The following GPR27 variants were observed in gnomAD, a reference collection of about 807,000 sequenced individuals.
The protein encoded by GPR27 is probable G protein-coupled receptor 27.
In GPR27, 3 loss-of-function variants were observed where a neutral mutation model predicts 2.4. That is an observed-to-expected ratio of 1.23 (90% CI 0.56 to 3.18). The LOEUF is 3.18. GPR27 is among the 30% of genes most tolerant of loss of function. GPR27 has a pLI of 0.03. For synonymous variants in GPR27, 367 were observed against 296.4 expected (o/e 1.24, Z -2.45); for missense variants, 526 against 566.1 (o/e 0.93, Z 0.72).
chr3:71,755,236 G>T lies in GPR27; in HGVS notation c.*59G>T, dbSNP rs543723129. 26 of 1,334,718 alleles carry T rather than the reference G, an allele frequency of 1.9e-5. No individual in the cohort carries two copies. The highest frequency in any genetic ancestry group is 5.0e-5 in the East Asian group (2 of 39,960). The allele number at this position is 1,334,718 out of a possible 1,614,324, so 82.7% of individuals were successfully genotyped here. ...CTTTCCCTTTGGCTCGGACGGTGAC[G>T]TTGTATCTTTTCCTTCTGGCCCCTG... On this transcript the variant is annotated 3_prime_UTR_variant, in exon 1 of 1. Coordinates refer to ENST00000304411, the MANE Select transcript of GPR27 (RefSeq NM_018971.3).
chr3:71,754,203 GC>G lies in GPR27; in HGVS notation c.158del (p.Pro53ArgfsTer268). ...CGTGCGGGAGCGCAGCCTGCACCGC[GC>G]CCCGTACTACCTGCTGCTCGACCTG... Reference protein sequence around the residue: ...LIVRERSLHRAPYYLLLDLCL... With the variant: ...LIVRERSLHRXPYYLLLDLCL... On this transcript the variant is annotated frameshift_variant, in exon 1 of 1. Coordinates refer to ENST00000304411, the MANE Select transcript of GPR27 (RefSeq NM_018971.3). LOFTEE classifies it low-confidence loss of function (END_TRUNC). The surrounding 1 kb of genome is among the most constrained non-coding windows in gnomAD (Gnocchi z 5.8). 1 of 1,410,300 alleles carries G rather than the reference GC, an allele frequency of 7.1e-7. No homozygotes were observed. The highest frequency in any genetic ancestry group is 9.4e-7 in the Non-Finnish European group (1 of 1,066,774). The allele number at this position is 1,410,300 out of a possible 1,614,324, so 87.4% of individuals were successfully genotyped here.
chr3:71,753,920 G>C lies in GPR27; in HGVS notation c.-130G>C. 1.0e-6 allele frequency: 1 copy of C among 989,338 alleles called. No homozygotes were observed. Among genetic ancestry groups the C allele is most frequent in the South Asian group, 4.6e-5 (1 of 21,904 alleles). The allele number at this position is 989,338 out of a possible 1,614,324, so 61.3% of individuals were successfully genotyped here. A position where few individuals can be genotyped will look rare whatever the true frequency, so the allele number is the denominator to read the frequency against. ...AGCCCAGGAGGGGCCGGCCGGGAGC[G>C]GGCTGAGCCCCGCAGGACGGGGAGC... On this transcript the variant is annotated 5_prime_UTR_variant, in exon 1 of 1. Coordinates refer to ENST00000304411, the MANE Select transcript of GPR27 (RefSeq NM_018971.3).
chr3:71,755,458 C>T lies in GPR27; in HGVS notation c.*281C>T, dbSNP rs934735031. The T allele has an allele frequency of 3.7e-5, 15 of 408,940 alleles. No individual in the cohort carries two copies. In the South Asian group the frequency reaches 9.2e-4, roughly 25 times the overall value. 25.3% of individuals were successfully genotyped at this position (408,940 alleles called of 1,614,324 possible). ...TGTAGCGGTACTGACGTCTTTTATT[C>T]CATGTGTGGTTCCTTTTTTTCTTTT... On this transcript the variant is annotated 3_prime_UTR_variant, in exon 1 of 1. Transcript: ENST00000304411.
Position 71,754,187 on chromosome 3 carries a change from G to A in GPR27, c.138G>A (p.Glu46=), listed in dbSNP as rs2108174271. ...TGTTCGCGCTGCTGATCGTGCGGGA[G>A]CGCAGCCTGCACCGCGCCCCGTACT... ...NVLFALLIVR[E]RSLHRAPYYL... is the part of the protein sequence containing the mutation. The change falls in exon 1 of 1, where the codon GAG becomes GAA. Residue 46 remains glutamate, a synonymous_variant. Coordinates refer to ENST00000304411, the MANE Select transcript of GPR27 (RefSeq NM_018971.3). The surrounding 1 kb of genome is among the most constrained non-coding windows in gnomAD (Gnocchi z 5.8). 3 of 1,435,552 alleles carry A rather than the reference G, an allele frequency of 2.1e-6. No homozygotes were observed. The highest frequency in any genetic ancestry group is 2.8e-6 in the Non-Finnish European group (3 of 1,082,066). The allele number at this position is 1,435,552 out of a possible 1,614,324, so 88.9% of individuals were successfully genotyped here.
In GPR27 at chr3:71,755,313, A is replaced by G. The variant is rs2049991825; in HGVS notation, c.*136A>G. On this transcript the variant is annotated 3_prime_UTR_variant, in exon 1 of 1. Transcript: ENST00000304411. ...TGACTCGAAGTGGACAGACACTTGG[A>G]TTGTACTGACTCCTTTGGGGGTGGG... The G allele has an allele frequency of 6.7e-6, 5 of 750,060 alleles. No individual in the cohort carries two copies. Among genetic ancestry groups the G allele is most frequent in the Non-Finnish European group, 1.1e-5 (5 of 470,344 alleles). The allele number at this position is 750,060 out of a possible 1,614,324, so 46.5% of individuals were successfully genotyped here.
Position 71,756,215 on chromosome 3 carries a change from A to G in GPR27, c.*1038A>G, listed in dbSNP as rs917901413. 6.6e-6 allele frequency: 1 copy of G among 152,206 alleles called. No homozygotes were observed. Among genetic ancestry groups the G allele is most frequent in the Non-Finnish European group, 1.5e-5 (1 of 68,032 alleles). The allele number at this position is 152,206 out of a possible 1,614,324, so 9.4% of individuals were successfully genotyped here. A position where few individuals can be genotyped will look rare whatever the true frequency, so the allele number is the denominator to read the frequency against. On this transcript the variant is annotated 3_prime_UTR_variant, in exon 1 of 1. Coordinates refer to ENST00000304411, the MANE Select transcript of GPR27 (RefSeq NM_018971.3). The stretch of plus-strand genomic sequence containing the variant: ...TGGTATAAATGAATGGAATATAATG[A>G]TATCCTCCTTCTAGGAAACAAAGCA...
chr3:71,755,341 G>A lies in GPR27; in HGVS notation c.*164G>A. The A allele has an allele frequency of 1.6e-6, 1 of 644,346 alleles. No individual in the cohort carries two copies. Among genetic ancestry groups the A allele is most frequent in the Non-Finnish European group, 2.6e-6 (1 of 378,508 alleles). 39.9% of individuals were successfully genotyped at this position (644,346 alleles called of 1,614,324 possible). A position where few individuals can be genotyped will look rare whatever the true frequency, so the allele number is the denominator to read the frequency against. ...GTACTGACTCCTTTGGGGGTGGGGT[G>A]GGTGAGGAGTAGGATGCTCAGCCCA... On this transcript the variant is annotated 3_prime_UTR_variant, in exon 1 of 1. Transcript: ENST00000304411.
Position 71,754,596 on chromosome 3 carries a change from G to A in GPR27, c.547G>A (p.Ala183Thr). The A allele has an allele frequency of 7.0e-7, 1 of 1,428,564 alleles. No individual in the cohort carries two copies. Among genetic ancestry groups the A allele is most frequent in the Non-Finnish European group, 9.2e-7 (1 of 1,091,396 alleles). 88.5% of individuals were successfully genotyped at this position (1,428,564 alleles called of 1,614,324 possible). The change falls in exon 1 of 1, where the codon GCG becomes ACG. Residue 183 changes from alanine to threonine, a missense_variant. Around this residue, in one of 3 missense-constraint regions of GPR27, gnomAD observed 312 missense variants for 318.4 expected, o/e 0.98. Coordinates refer to ENST00000304411, the MANE Select transcript of GPR27 (RefSeq NM_018971.3). This position sits in a 1 kb window ranked among gnomAD's most constrained non-coding sequence, Gnocchi z 5.8. ...GCAGCGGCCCGACGGCGCCCCCGGCGCGCTGGGCTTCCTGCTGCTGCTGGC... is the reference window on the plus strand; with the variant it reads ...GCAGCGGCCCGACGGCGCCCCCGGCACGCTGGGCTTCCTGCTGCTGCTGGC... ...LEQRPDGAPG[A>T]LGFLLLLAVV...
At position 71,753,878 on chromosome 3, in the gene GPR27, A is replaced by T. The variant is rs919606167; in HGVS notation, c.-172A>T. Reference sequence around the variant, plus strand: ...CCATTCCTGAGATGGCGGCGGCGGCACAGCGGCGGCTCGGGGAGCCCAGGA... The same window carrying T: ...CCATTCCTGAGATGGCGGCGGCGGCTCAGCGGCGGCTCGGGGAGCCCAGGA... On this transcript the variant is annotated 5_prime_UTR_variant, in exon 1 of 1. Coordinates refer to ENST00000304411, the MANE Select transcript of GPR27 (RefSeq NM_018971.3). 9.2e-4 allele frequency among the ~76,000 whole-genome samples: 134 copies of T among 145,564 alleles called. No homozygotes were observed. The highest frequency in any genetic ancestry group is 3.2e-3 in the African/African-American group (131 of 40,572).
Position 71,754,572 on chromosome 3 carries a change from C to G in GPR27, c.523C>G (p.Gln175Glu), listed in dbSNP as rs912881981. The stretch of plus-strand genomic sequence containing the variant: ...CGAGGACGCGCCGTGCGCCCTGGAG[C>G]AGCGGCCCGACGGCGCCCCCGGCGC... Reference protein sequence around the residue: ...DDEDAPCALEQRPDGAPGALG... With the variant: ...DDEDAPCALEERPDGAPGALG... Residue 175 changes from glutamine to glutamate, a missense_variant, in exon 1 of 1, where the codon CAG (glutamine) becomes GAG (glutamate). Transcript: ENST00000304411. The surrounding 1 kb of genome is among the most constrained non-coding windows in gnomAD (Gnocchi z 5.8). 1 of 1,399,598 alleles carries G rather than the reference C, an allele frequency of 7.1e-7. No homozygotes were observed. Among genetic ancestry groups the G allele is most frequent in the African/African-American group, 1.5e-5 (1 of 66,280 alleles). 86.7% of individuals were successfully genotyped at this position (1,399,598 alleles called of 1,614,324 possible).
chr3:71,754,715 C>T lies in GPR27; in HGVS notation c.666C>T (p.Ala222=). 1 of 1,480,556 alleles carries T rather than the reference C, an allele frequency of 6.8e-7. No homozygotes were observed. The highest frequency in any genetic ancestry group is 8.9e-7 in the Non-Finnish European group (1 of 1,119,718). The allele number at this position is 1,480,556 out of a possible 1,614,324, so 91.7% of individuals were successfully genotyped here. A position where few individuals can be genotyped will look rare whatever the true frequency, so the allele number is the denominator to read the frequency against. The change falls in exon 1 of 1, where the codon GCC becomes GCT. Residue 222 remains alanine, a synonymous_variant. Coordinates refer to ENST00000304411, the MANE Select transcript of GPR27 (RefSeq NM_018971.3). The surrounding 1 kb of genome is among the most constrained non-coding windows in gnomAD (Gnocchi z 5.8). ...TGCGGCCCGCGCGCCTGGTGCCCGC[C>T]GTCAGCCACGACTGGACCTTCCACG... is the stretch of plus-strand genomic sequence containing the variant. The part of the protein sequence containing the change: ...RKMRPARLVP[A]VSHDWTFHGP...
chr3:71,755,166 A>G lies in GPR27; in HGVS notation c.1117A>G (p.Ile373Val). 1.2e-6 allele frequency: 2 copies of G among 1,602,554 alleles called. No individual in the cohort carries two copies. Among genetic ancestry groups the G allele is most frequent in the East Asian group, 2.2e-5 (1 of 44,636 alleles). ...QATHPCDLKG[I>V]GL The stretch of plus-strand genomic sequence containing the variant: ...GACCCATCCCTGCGACCTGAAAGGC[A>G]TTGGTTTATGAGGGAGGCCCCGCCA... Residue 373 changes from isoleucine to valine, a missense_variant, in exon 1 of 1, where the codon ATT becomes GTT. Ile to Val is a conservative substitution (Grantham distance 29). Around this residue, in one of 3 missense-constraint regions of GPR27, gnomAD observed 116 missense variants for 100.9 expected, o/e 1.15. Transcript: ENST00000304411.
chr3:71,753,938 C>G lies in GPR27; in HGVS notation c.-112C>G. 2.0e-6 allele frequency: 2 copies of G among 1,011,646 alleles called. No individual in the cohort carries two copies. The highest frequency in any genetic ancestry group is 2.4e-6 in the Non-Finnish European group (2 of 847,682). 62.7% of individuals were successfully genotyped at this position (1,011,646 alleles called of 1,614,324 possible). ...CGGGAGCGGGCTGAGCCCCGCAGGA[C>G]GGGGAGCTCGCCCAGGGCCGGCGGA... On this transcript the variant is annotated 5_prime_UTR_variant, in exon 1 of 1. Transcript: ENST00000304411.
chr3:71,754,685 C>T lies in GPR27; in HGVS notation c.636C>T (p.Arg212=), dbSNP rs770932527. 1.2e-5 allele frequency: 18 copies of T among 1,498,892 alleles called. No homozygotes were observed. The highest frequency in any genetic ancestry group is 1.5e-5 in the Non-Finnish European group (17 of 1,129,850). The allele number at this position is 1,498,892 out of a possible 1,614,324, so 92.8% of individuals were successfully genotyped here. The change falls in exon 1 of 1, where the codon CGC becomes CGT. Residue 212 remains arginine (R), a synonymous_variant. Transcript: ENST00000304411. The surrounding 1 kb of genome is among the most constrained non-coding windows in gnomAD (Gnocchi z 5.8). ...TGCTCTTCTTCATCCACGACCGCCG[C>T]AAGATGCGGCCCGCGCGCCTGGTGC... is the stretch of plus-strand genomic sequence containing the variant. The part of the protein sequence containing the change: ...LRLLFFIHDR[R]KMRPARLVPA...
Position 71,754,774 on chromosome 3 carries a change from G to A in GPR27, c.725G>A (p.Trp242Ter). Residue 242 changes from tryptophan to a stop codon, truncating the protein, a stop_gained, in exon 1 of 1, where the codon TGG becomes TAG. Coordinates refer to ENST00000304411, the MANE Select transcript of GPR27 (RefSeq NM_018971.3). LOFTEE classifies it low-confidence loss of function (END_TRUNC). The surrounding 1 kb of genome is among the most constrained non-coding windows in gnomAD (Gnocchi z 5.8). The part of the protein sequence containing the change: ...PGATGQAAAN[W>*]TAGFGRGPTP... ...GCCACCGGCCAGGCGGCCGCCAACT[G>A]GACGGCGGGCTTCGGCCGCGGGCCC... 1 of 1,292,336 alleles carries A rather than the reference G, an allele frequency of 7.7e-7. No individual in the cohort carries two copies. The highest frequency in any genetic ancestry group is 2.2e-5 in the South Asian group (1 of 45,134). The allele number at this position is 1,292,336 out of a possible 1,614,324, so 80.1% of individuals were successfully genotyped here.
chr3:71,754,943 G>A lies in GPR27; in HGVS notation c.894G>A (p.Gly298=), dbSNP rs1181429694. The A allele has an allele frequency of 3.7e-6, 6 of 1,613,410 alleles. No individual in the cohort carries two copies. Among genetic ancestry groups the A allele is most frequent in the Middle Eastern group, 1.6e-4 (1 of 6,074 alleles). Residue 298 remains glycine, a synonymous_variant, in exon 1 of 1, where the codon GGG becomes GGA. Transcript: ENST00000304411. This position sits in a 1 kb window ranked among gnomAD's most constrained non-coding sequence, Gnocchi z 5.8. ...CGCTGCTCTTCCTGCTCCTCTGGGGGCCCTACGTCGTGGCCAGCTACCTGC... is the reference window on the plus strand; with the variant it reads ...CGCTGCTCTTCCTGCTCCTCTGGGGACCCTACGTCGTGGCCAGCTACCTGC... ...AVTLLFLLLW[G]PYVVASYLRV... is the part of the protein sequence containing the mutation.
Position 71,755,839 on chromosome 3 carries a change from G to T in GPR27, c.*662G>T, listed in dbSNP as rs918204623. On this transcript the variant is annotated 3_prime_UTR_variant, in exon 1 of 1. Coordinates refer to ENST00000304411, the MANE Select transcript of GPR27 (RefSeq NM_018971.3). ...AGCAGTAAGTAACAAGTAAGATTTG[G>T]TTCCCGGTTTACTTTCTGCTGCTAA... 6.6e-6 allele frequency: 1 copy of T among 152,184 alleles called. No homozygotes were observed. Among genetic ancestry groups the T allele is most frequent in the African/African-American group, 2.4e-5 (1 of 41,428 alleles). The allele number at this position is 152,184 out of a possible 1,614,324, so 9.4% of individuals were successfully genotyped here. A position where few individuals can be genotyped will look rare whatever the true frequency, so the allele number is the denominator to read the frequency against.
chr3:71,754,349 C>A lies in GPR27; in HGVS notation c.300C>A (p.Phe100Leu). The A allele has an allele frequency of 7.7e-7, 1 of 1,306,840 alleles. No individual in the cohort carries two copies. The highest frequency in any genetic ancestry group is 9.8e-7 in the Non-Finnish European group (1 of 1,017,910). The allele number at this position is 1,306,840 out of a possible 1,614,324, so 81.0% of individuals were successfully genotyped here. A position where few individuals can be genotyped will look rare whatever the true frequency, so the allele number is the denominator to read the frequency against. ...PGALGCKLLA[F>L]LAALFCFHAA... ...CGCTGGGCTGCAAGCTGCTCGCCTTCCTGGCCGCGCTCTTCTGCTTCCACG... is the reference window on the plus strand; with the variant it reads ...CGCTGGGCTGCAAGCTGCTCGCCTTACTGGCCGCGCTCTTCTGCTTCCACG... The change falls in exon 1 of 1, where the codon TTC becomes TTA. Residue 100 changes from phenylalanine (F) to leucine (L), a missense_variant. Physicochemically the swap from Phe to Leu is conservative, Grantham distance 22. Coordinates refer to ENST00000304411, the MANE Select transcript of GPR27 (RefSeq NM_018971.3). This position sits in a 1 kb window ranked among gnomAD's most constrained non-coding sequence, Gnocchi z 5.8.
Position 71,754,547 on chromosome 3 carries a change from C to T in GPR27, c.498C>T (p.Asp166=), listed in dbSNP as rs992493429. 3.7e-6 allele frequency: 5 copies of T among 1,351,918 alleles called. No homozygotes were observed. The African/African-American group carries it at 7.7e-5, about 21-fold the overall frequency. The allele number at this position is 1,351,918 out of a possible 1,614,324, so 83.7% of individuals were successfully genotyped here. The change falls in exon 1 of 1, where the codon GAC becomes GAT. Residue 166 remains aspartate, a synonymous_variant. Transcript: ENST00000304411. The surrounding 1 kb of genome is among the most constrained non-coding windows in gnomAD (Gnocchi z 5.8). ...CAGTGCTGGACGGCGGTGGCGACGA[C>T]GAGGACGCGCCGTGCGCCCTGGAGC... The part of the protein sequence containing the change: ...FPPVLDGGGD[D]EDAPCALEQR...
Sources: gnomAD v4.1 joint callset for allele counts (sites outside exome capture counted in the v4.1 genomes callset) on GRCh38, gnomAD v4.1.1 for gene constraint, gnomAD v4.1.1 regional missense constraint, Gnocchi (gnomAD v3.1) non-coding constraint, MANE v1.5 for transcripts, NCBI Gene and HGNC (gene_info 2026-07-23, HGNC 2026-07-21) for gene names.